PPL: variants seen among roughly 807,000 people sequenced by gnomAD.
PPL encodes 190 kDa paraneoplastic pemphigus antigen.
Under a neutral mutation model 194.4 loss-of-function variants are expected in PPL, and 198 were observed. The observed-to-expected ratio is 1.02, with a 90% confidence interval of 0.91 to 1.15. PPL has a LOEUF of 1.15. PPL is among the 50% of genes most tolerant of loss of function. The probability of loss-of-function intolerance (pLI) is 0.00; values close to 1 mark genes in which losing one functional copy is unlikely to be tolerated. For missense variants in PPL, 2,885 were observed against 2,294.8 expected (o/e 1.26, Z -5.25); for synonymous variants, 1,220 against 972.4 (o/e 1.25, Z -4.74).
At chr16:4,895,211 T>C in intron 11 of PPL, 50 bp downstream of exon 11, 1 of 1,527,212 alleles carries the variant, frequency 6.5e-7, no homozygotes, top group Non-Finnish European at 8.8e-7. Context: ...CCAACCATGT[T>C]ACCCCAAAAA....
At position 4,883,828 on chromosome 16, in the gene PPL, G is replaced by A. The variant is rs751807793; in HGVS notation, c.4827C>T (p.Asp1609=). 6.2e-7 allele frequency: 1 copy of A among 1,614,136 alleles called. No individual in the cohort carries two copies. The highest frequency in any genetic ancestry group is 8.5e-7 in the Non-Finnish European group (1 of 1,180,044). Residue 1609 remains aspartate, a synonymous_variant, in exon 22 of 22, where the codon GAC becomes GAT. Coordinates refer to ENST00000345988, the MANE Select transcript of PPL (RefSeq NM_002705.5). The surrounding 1 kb of genome is among the most constrained non-coding windows in gnomAD (Gnocchi z 4.8). ...CCCTCTCCAGGGACCACAGTCTGGA[G>A]TCATGGTTGGTCCCAGAGTCCGCCA... ...MTVADSGTNH[D]SRLWSLEREL...
rs2088628514 is a variant in PPL, at chr16:4,903,926, T to C, written c.277A>G (p.Lys93Glu). 6.2e-7 allele frequency: 1 copy of C among 1,613,934 alleles called. No homozygotes were observed. The highest frequency in any genetic ancestry group is 1.7e-5 in the Admixed American group (1 of 60,000). ...YVLEADAAIA[K>E]HMKHPQGDMI... Reference sequence around the variant, plus strand: ...TCCCCCTGTGGGTGCTTCATGTGCTTGGCAATGGCCGCATCCGCCTCTAGC... The same window carrying C: ...TCCCCCTGTGGGTGCTTCATGTGCTCGGCAATGGCCGCATCCGCCTCTAGC... Residue 93 changes from lysine (K) to glutamate (E), a missense_variant, in exon 3 of 22, where the codon AAG becomes GAG. By Grantham distance (56) the Lys-to-Glu change is moderately conservative. Coordinates refer to ENST00000345988, the MANE Select transcript of PPL (RefSeq NM_002705.5).
intron 1 of PPL, among the ~76,000 whole-genome samples, chr16:4,912,216 C>T (rs1298574370): frequency 6.6e-6 from 1 of 152,240 alleles, no homozygotes; most frequent in Non-Finnish European, 1.5e-5. Context: ...CTATTCCCCA[C>T]CCGCTCCAGC....
chr16:4,902,372 A>C lies in PPL; in HGVS notation c.438+34T>G. On this transcript the variant is annotated intron_variant, in intron 4 of 21. Transcript: ENST00000345988. This position sits in a 1 kb window ranked among gnomAD's most constrained non-coding sequence, Gnocchi z 4.0. Reference sequence around the variant, plus strand: ...CACGCACAGCCCCCTCCCCAGCTGAAACCCTGGAGCCAGCGGCCCCGTCCA... The same window carrying C: ...CACGCACAGCCCCCTCCCCAGCTGACACCCTGGAGCCAGCGGCCCCGTCCA... 2 of 1,611,156 alleles carry C rather than the reference A, an allele frequency of 1.2e-6. No homozygotes were observed. Among genetic ancestry groups the C allele is most frequent in the Non-Finnish European group, 1.7e-6 (2 of 1,178,500 alleles).
chr16:4,932,958 G>A (rs756341520), intron 1 of PPL, among the ~76,000 whole-genome samples: 2 of 151,768 alleles, frequency 1.3e-5, no homozygotes, highest in African/African-American at 2.4e-5. Context: ...CCAGAGCTGC[G>A]GCCTGAACTC....
rs768551197 is a variant in PPL, at chr16:4,885,172, C to T, written c.3483G>A (p.Leu1161=). The change falls in exon 22 of 22, where the codon TTG becomes TTA. Residue 1161 remains leucine, a synonymous_variant. Transcript: ENST00000345988. The surrounding 1 kb of genome is among the most constrained non-coding windows in gnomAD (Gnocchi z 6.3). ...KTELLRKIWA[L]EEENAKVVVQ... is the part of the protein sequence containing the mutation. Reference sequence around the variant, plus strand: ...CCACCACTTTGGCGTTCTCCTCCTCCAAGGCCCATATCTTTCGGAGCAGCT... The same window carrying T: ...CCACCACTTTGGCGTTCTCCTCCTCTAAGGCCCATATCTTTCGGAGCAGCT... 15 of 1,614,034 alleles carry T rather than the reference C, an allele frequency of 9.3e-6. No homozygotes were observed. The South Asian group carries it at 1.6e-4, about 18-fold the overall frequency.
chr16:4,884,406 C>G lies in PPL; in HGVS notation c.4249G>C (p.Glu1417Gln). The G allele has an allele frequency of 1.9e-6, 3 of 1,607,602 alleles. No homozygotes were observed. Among genetic ancestry groups the G allele is most frequent in the Non-Finnish European group, 2.5e-6 (3 of 1,178,768 alleles). ...TGCTGCAACCGCTGTACCTCGCGCT[C>G]GGCCTCCCTGCGGGCCTGCCGCTCG... ...ERERQARREAEREVQRLQQRL... is the reference protein window; with the variant it reads ...ERERQARREAQREVQRLQQRL... The change falls in exon 22 of 22, where the codon GAG (glutamate) becomes CAG (glutamine). Residue 1417 changes from glutamate (E) to glutamine (Q), a missense_variant. Physicochemically the swap from Glu to Gln is conservative, Grantham distance 29. Transcript: ENST00000345988. This position sits in a 1 kb window ranked among gnomAD's most constrained non-coding sequence, Gnocchi z 5.7.
rs2088215960 is a variant in PPL at position 4,886,115 on chromosome 16, CTGGTCAGAGTGGCTGTCCTG to C, written c.2608-88_2608-69del. On this transcript the variant is annotated intron_variant, in intron 21 of 21. Transcript: ENST00000345988. ...CAGCACATGTAGGGCCTGTCCCCACCTGGTCAGAGTGGCTGTCCTGTGGTCCCCAAGGGACTCCCTCAGTG... is the reference window on the plus strand; with the variant it reads ...CAGCACATGTAGGGCCTGTCCCCACCTGGTCCCCAAGGGACTCCCTCAGTG... The C allele has an allele frequency of 1.9e-6, 3 of 1,598,184 alleles. No individual in the cohort carries two copies. The South Asian group carries it at 3.3e-5, about 18-fold the overall frequency.
chr16:4,885,394 C>G lies in PPL; in HGVS notation c.3261G>C (p.Gln1087His). Residue 1087 changes from glutamine to histidine, a missense_variant, in exon 22 of 22, where the codon CAG becomes CAC. Physicochemically the swap from Gln to His is conservative, Grantham distance 24. Coordinates refer to ENST00000345988, the MANE Select transcript of PPL (RefSeq NM_002705.5). This position sits in a 1 kb window ranked among gnomAD's most constrained non-coding sequence, Gnocchi z 6.3. ...CCTGGAGGAAGCTCAGCTCCTCCTC[C>G]TGCTTCTCCCTGAGCTGGTCCTGGC... ...HQRQDQLREK[Q>H]EEELSFLQDK... The G allele has an allele frequency of 6.2e-7, 1 of 1,612,980 alleles. No individual in the cohort carries two copies. The highest frequency in any genetic ancestry group is 1.6e-4 in the Middle Eastern group (1 of 6,062).
chr16:4,929,056 G>A (rs1219517197), intron 1 of PPL, among the ~76,000 whole-genome samples: 1 of 142,952 alleles, frequency 7.0e-6, no homozygotes, highest in Non-Finnish European at 1.5e-5. Context: ...TCTGCCGAGA[G>A]TCCTGGAGCG....
intron 4 of PPL, among the ~76,000 whole-genome samples, chr16:4,901,708 AAT>A: frequency 6.9e-6 from 1 of 144,932 alleles, no homozygotes; most frequent in East Asian, 2.0e-4. Context: ...TAAATAAATA[AAT>A]AATAAAACTG....
intron 8 of PPL, among the ~76,000 whole-genome samples, chr16:4,898,377 T>A (rs2088475948): frequency 6.6e-6 from 1 of 152,204 alleles, no homozygotes; most frequent in East Asian, 1.9e-4. Flanking sequence ...AAACTCCATC[T>A]CAGGCGGGGT....
In PPL at chr16:4,903,885, C is replaced by T. The variant is rs1169263627; in HGVS notation, c.317+1G>A. 2 of 1,613,840 alleles carry T rather than the reference C, an allele frequency of 1.2e-6. No homozygotes were observed. Among genetic ancestry groups the T allele is most frequent in the African/African-American group, 2.7e-5 (2 of 74,948 alleles). On this transcript the variant is annotated splice_donor_variant, in intron 3 of 21. Transcript: ENST00000345988. LOFTEE classifies it high-confidence loss of function. ...TGGGGTAAGAAGCAGAAGGGACCTACTCCTCGGCGATCATGTCCCCCTGTG... is the reference window on the plus strand; with the variant it reads ...TGGGGTAAGAAGCAGAAGGGACCTATTCCTCGGCGATCATGTCCCCCTGTG...
In PPL at chr16:4,893,197, C is replaced by T. The variant is rs750317089; in HGVS notation, c.1650+16G>A. On this transcript the variant is annotated intron_variant, in intron 14 of 21. Transcript: ENST00000345988. The stretch of plus-strand genomic sequence containing the variant: ...GGGCTCCCCCGGCCCCACCTGTGCT[C>T]CTGACCCGCAGGTACCTTGAGGTCC... 17 of 1,534,368 alleles carry T rather than the reference C, an allele frequency of 1.1e-5. No homozygotes were observed. In the South Asian group the frequency reaches 1.9e-4, roughly 17 times the overall value.
chr16:4,886,735 C>T lies in PPL; in HGVS notation c.2607+400G>A, dbSNP rs369337791. On this transcript the variant is annotated intron_variant, in intron 21 of 21. Coordinates refer to ENST00000345988, the MANE Select transcript of PPL (RefSeq NM_002705.5). The stretch of plus-strand genomic sequence containing the variant: ...CTGGGTTCAAGCAATTCTCCTGCCT[C>T]AGTCTCCTGAGTAGCTGGGATTACA... Among the ~76,000 whole-genome samples the T allele has an allele frequency of 1.6e-4, 24 of 152,350 alleles. No homozygotes were observed. In the East Asian group the frequency reaches 2.7e-3, roughly 17 times the overall value.
intron 1 of PPL, among the ~76,000 whole-genome samples, chr16:4,934,857 G>A (rs1472067360): frequency 3.9e-5 from 6 of 152,186 alleles, no homozygotes; most frequent in Non-Finnish European, 8.8e-5. Context: ...TCCAGTCTGC[G>A]AACTAGTCCC....
Position 4,890,805 on chromosome 16 carries a change from C to A in PPL, c.2085G>T (p.Pro695=). ...TLASRFQEHC[P]DLERQEAEVH... Reference sequence around the variant, plus strand: ...CCTCGGCCTCCTGGCGCTCCAGGTCCGGACAGTGCTCCTGGAAGCGGCTGG... The same window carrying A: ...CCTCGGCCTCCTGGCGCTCCAGGTCAGGACAGTGCTCCTGGAAGCGGCTGG... The change falls in exon 17 of 22, where the codon CCG becomes CCT. Residue 695 remains proline (P), a synonymous_variant. Coordinates refer to ENST00000345988, the MANE Select transcript of PPL (RefSeq NM_002705.5). The A allele has an allele frequency of 1.2e-6, 2 of 1,603,390 alleles. No homozygotes were observed. Among genetic ancestry groups the A allele is most frequent in the East Asian group, 2.3e-5 (1 of 44,398 alleles).
chr16:4,937,067 G>T lies in PPL; in HGVS notation c.-22C>A. 7.4e-7 allele frequency: 1 copy of T among 1,356,822 alleles called. No individual in the cohort carries two copies. Among genetic ancestry groups the T allele is most frequent in the East Asian group, 3.0e-5 (1 of 33,304 alleles). The allele number at this position is 1,356,822 out of a possible 1,614,324, so 84.0% of individuals were successfully genotyped here. A position where few individuals can be genotyped will look rare whatever the true frequency, so the allele number is the denominator to read the frequency against. ...TCATGGTGGCGCTCGGGGTGCGGGCGGCGGCGGCTGGCGGGCCGGGCGCGC... is the reference window on the plus strand; with the variant it reads ...TCATGGTGGCGCTCGGGGTGCGGGCTGCGGCGGCTGGCGGGCCGGGCGCGC... On this transcript the variant is annotated 5_prime_UTR_variant, in exon 1 of 22. Coordinates refer to ENST00000345988, the MANE Select transcript of PPL (RefSeq NM_002705.5).
intron 2 of PPL, among the ~76,000 whole-genome samples, chr16:4,910,575 A>G (rs780013737): frequency 6.6e-6 from 1 of 152,042 alleles, no homozygotes; most frequent in Non-Finnish European, 1.5e-5. Context: ...ATTAACGACA[A>G]TGGCCAGGTT....
Sources: allele counts gnomAD v4.1 joint callset (sites outside exome capture counted in the v4.1 genomes callset), GRCh38; gene constraint gnomAD v4.1.1; non-coding constraint Gnocchi (gnomAD v3.1); transcripts MANE v1.5; gene names NCBI Gene and HGNC (gene_info 2026-07-23, HGNC 2026-07-21).